The following CPNE4 variants were observed in gnomAD, a reference collection of about 807,000 sequenced individuals.
CPNE4 encodes copine 4, also known as copine-4.
Under a neutral mutation model 67.9 loss-of-function variants are expected in CPNE4, and 25 were observed. The observed-to-expected ratio is 0.37, with a 90% CI of 0.27 to 0.51. CPNE4 has a LOEUF of 0.51. CPNE4 is among the 20% of genes least tolerant of loss of function. The pLI, the probability that CPNE4 is intolerant of heterozygous loss-of-function variation, is 0.93. For missense variants in CPNE4, 464 were observed against 690.8 expected, an observed-to-expected ratio of 0.67 and a Z score of 3.68; for synonymous variants, 242 against 244.9, an observed-to-expected ratio of 0.99 and a Z score of 0.11.
At chr3:131,581,548 A>C in intron 9 of CPNE4, 31 bp downstream of exon 9, 1 of 1,458,792 alleles carries the variant, frequency 6.9e-7, no homozygotes, top group Non-Finnish European at 9.6e-7. Context: ...CCCTAGCTTC[A>C]TACTCCTGGA....
intron 1 of CPNE4, among the ~76,000 whole-genome samples, chr3:131,985,421 G>C (rs1426622042): frequency 2.0e-5 from 3 of 152,178 alleles, no homozygotes; most frequent in Admixed American, 6.6e-5. Context: ...TAGAAGCTTA[G>C]TGCATTTCTG....
At chr3:131,958,694 G>A (rs2107913045) in intron 1 of CPNE4, among the ~76,000 whole-genome samples, 1 of 133,120 alleles carries the variant, frequency 7.5e-6, no homozygotes, top group South Asian at 2.4e-4. Flanking sequence ...GCACGATCTT[G>A]GCTCACTGCA....
At chr3:131,963,122 C>T (rs1203422485) in intron 1 of CPNE4, among the ~76,000 whole-genome samples, 2 of 152,030 alleles carry the variant, frequency 1.3e-5, no homozygotes, top group South Asian at 2.1e-4. Context: ...CAGGGTAGGG[C>T]GTTGCCTCAC....
rs188442847 is a variant in CPNE4 at position 131,874,158 on chromosome 3, G to A, written c.180+31106C>T. ...GGCTGGAGTGCAGTGGCGCAATCTC[G>A]GCTCACTGCAAGCTCCGCCTCCCGG... On this transcript the variant is annotated intron_variant, in intron 2 of 15. Coordinates refer to ENST00000429747, the MANE Select transcript of CPNE4 (RefSeq NM_130808.3). Among the ~76,000 whole-genome samples the A allele has an allele frequency of 5.0e-4, 76 of 150,678 alleles. 1 individual carries two copies. In the East Asian group the frequency reaches 8.2e-3, roughly 16 times the overall value.
chr3:131,595,616 A>C (rs530903760), intron 7 of CPNE4, among the ~76,000 whole-genome samples: 14 of 152,262 alleles, frequency 9.2e-5, no homozygotes, highest in African/African-American at 3.1e-4. Context: ...ACACGGTGAG[A>C]GTAGGAGCAT....
chr3:131,587,999 A>G (rs1326732059), intron 7 of CPNE4, among the ~76,000 whole-genome samples: 2 of 152,216 alleles, frequency 1.3e-5, no homozygotes, highest in Non-Finnish European at 2.9e-5. Context: ...CCATCTATAT[A>G]GCTTTCACAA....
intron 2 of CPNE4, among the ~76,000 whole-genome samples, chr3:131,792,866 T>C (rs1583208084): frequency 6.8e-6 from 1 of 147,180 alleles, no homozygotes; most frequent in African/African-American, 2.5e-5. Flanking sequence ...CATACACACA[T>C]ATATATTTAC....
At chr3:131,698,595 T>TA (rs1276216327) in intron 4 of CPNE4, among the ~76,000 whole-genome samples, 1 of 112,492 alleles carries the variant, frequency 8.9e-6, no homozygotes, top group African/African-American at 3.9e-5. Context: ...CTCTTTTGAA[T>TA]TTTTCCTGTG....
chr3:131,820,748 A>G (rs2084933242), intron 2 of CPNE4, among the ~76,000 whole-genome samples: 1 of 152,180 alleles, frequency 6.6e-6, no homozygotes, highest in South Asian at 2.1e-4. Context: ...CATCTCTTTT[A>G]AATTTCTCAG....
At chr3:131,763,161 T>C (rs1017502567) in intron 2 of CPNE4, among the ~76,000 whole-genome samples, 36 of 152,140 alleles carry the variant, frequency 2.4e-4, no homozygotes, top group Admixed American at 1.3e-4. Flanking sequence ...AAGCATTTTA[T>C]CCTCTTGCAC....
At chr3:132,032,010 A>C (rs1260597843) in intron 1 of CPNE4, among the ~76,000 whole-genome samples, 1 of 152,228 alleles carries the variant, frequency 6.6e-6, no homozygotes, top group Admixed American at 6.5e-5. Flanking sequence ...GAAATACACA[A>C]GCAGATTAAG....
intron 2 of CPNE4, among the ~76,000 whole-genome samples, chr3:131,811,084 C>T (rs1461086671): frequency 6.6e-6 from 1 of 152,032 alleles, no homozygotes; most frequent in African/African-American, 2.4e-5. Context: ...GATAAATAAG[C>T]TCTGAAGATC....
chr3:131,842,814 T>C (rs746521955), intron 2 of CPNE4, among the ~76,000 whole-genome samples: 3 of 151,528 alleles, frequency 2.0e-5, no homozygotes, highest in African/African-American at 7.3e-5. Flanking sequence ...AAGCCACCTA[T>C]GTACATTTAA....
At chr3:131,834,277 C>A (rs1420929881) in intron 2 of CPNE4, among the ~76,000 whole-genome samples, 2 of 152,080 alleles carry the variant, frequency 1.3e-5, no homozygotes, top group African/African-American at 4.8e-5. Context: ...TTAATTATCT[C>A]CTTTTAATTT....
At chr3:131,969,262 T>TC (rs2072439429) in intron 1 of CPNE4, among the ~76,000 whole-genome samples, 1 of 151,594 alleles carries the variant, frequency 6.6e-6, no homozygotes, top group South Asian at 2.1e-4. Context: ...TGCATGCGGG[T>TC]CTTAAAACCT....
intron 2 of CPNE4, among the ~76,000 whole-genome samples, chr3:131,815,571 C>T (rs2084704043): frequency 6.6e-6 from 1 of 152,166 alleles, no homozygotes; most frequent in Non-Finnish European, 1.5e-5. Flanking sequence ...GATTCCAGAA[C>T]CTGCCTATAT....
chr3:131,608,393 C>G (rs1251283621), intron 7 of CPNE4, among the ~76,000 whole-genome samples: 1 of 152,048 alleles, frequency 6.6e-6, no homozygotes, highest in African/African-American at 2.4e-5. Context: ...CAGTGAAGGA[C>G]TTACAGTAGA....
chr3:131,572,183 T>C (rs1395798158), intron 10 of CPNE4, among the ~76,000 whole-genome samples: 1 of 152,048 alleles, frequency 6.6e-6, no homozygotes, highest in Non-Finnish European at 1.5e-5. Context: ...GGCTTTCTCC[T>C]AGCCCCTGCT....
intron 1 of CPNE4, among the ~76,000 whole-genome samples, chr3:132,012,121 A>T (rs2073779526): frequency 6.6e-6 from 1 of 152,004 alleles, no homozygotes; most frequent in South Asian, 2.1e-4. Flanking sequence ...GCAATATATA[A>T]AATCATGGGT....
Sources: allele counts gnomAD v4.1 joint callset (sites outside exome capture counted in the v4.1 genomes callset), GRCh38; gene constraint gnomAD v4.1.1; transcripts MANE v1.5; gene names NCBI Gene and HGNC (gene_info 2026-07-23, HGNC 2026-07-21).